Variants in ZNF407 observed in about 807,000 individuals in gnomAD.
ZNF407 encodes zinc finger protein 407.
Under a neutral mutation model 131.2 loss-of-function variants are expected in ZNF407, and 17 were observed. That is an observed-to-expected ratio of 0.13 (90% CI 0.09 to 0.19). The LOEUF is 0.19. Among genes scored for constraint, ZNF407 ranks in the 10% least tolerant of loss-of-function variants. The pLI, the probability that ZNF407 is intolerant of heterozygous loss-of-function variation, is 1.00. For synonymous variants in ZNF407, 1,156 were observed against 1,062.0 expected, an observed-to-expected ratio of 1.09 and a Z score of -1.72; for missense variants, 2,681 against 2,830.6, an observed-to-expected ratio of 0.95 and a Z score of 1.20.
intron 4 of ZNF407, among the ~76,000 whole-genome samples, chr18:74,816,610 G>A (rs569246792): frequency 7.9e-5 from 12 of 152,030 alleles, no homozygotes; most frequent in African/African-American, 1.2e-4. Flanking sequence ...AGAATTTGGC[G>A]TTTTATTTGT....
chr18:74,940,591 G>A (rs1220979611), intron 8 of ZNF407, among the ~76,000 whole-genome samples: 2 of 152,172 alleles, frequency 1.3e-5, no homozygotes, highest in Non-Finnish European at 2.9e-5. Context: ...GAAGGTTGTA[G>A]CAGAGAAGCG....
intron 8 of ZNF407, among the ~76,000 whole-genome samples, chr18:74,921,275 G>A (rs1215919842): frequency 5.9e-5 from 9 of 152,300 alleles, no homozygotes; most frequent in Admixed American, 3.9e-4. Context: ...GAGGGGCTCT[G>A]GAAGGTGTCA....
At chr18:74,692,281 C>T (rs934800936) in intron 3 of ZNF407, among the ~76,000 whole-genome samples, 3 of 152,064 alleles carry the variant, frequency 2.0e-5, no homozygotes, top group Non-Finnish European at 2.9e-5. Flanking sequence ...CCTTCAGCGT[C>T]CTGACTGTAG....
At chr18:74,938,638 G>T (rs1972064995) in intron 8 of ZNF407, among the ~76,000 whole-genome samples, 1 of 152,008 alleles carries the variant, frequency 6.6e-6, no homozygotes, top group Admixed American at 6.6e-5. Context: ...TAATATTTAG[G>T]TTTTATTGGA....
rs184730170 is a variant in ZNF407 at position 74,940,843 on chromosome 18, C to T, written c.5428+20151C>T. On this transcript the variant is annotated intron_variant, in intron 8 of 8. Coordinates refer to ENST00000299687, the MANE Select transcript of ZNF407 (RefSeq NM_017757.3). ...CCTGAGCCAACCCCAGGTCACGCTA[C>T]GGAACCCTGTAGGTGGGCAGGGTGT... Among the ~76,000 whole-genome samples, 146 of 152,288 alleles carry T rather than the reference C, an allele frequency of 9.6e-4. 1 individual carries two copies. The highest frequency in any genetic ancestry group is 2.2e-4 in the Non-Finnish European group (15 of 68,012).
intron 4 of ZNF407, among the ~76,000 whole-genome samples, chr18:74,841,047 A>G (rs2145131449): frequency 6.6e-6 from 1 of 152,110 alleles, no homozygotes; most frequent in Admixed American, 6.5e-5. Flanking sequence ...CCCACCTTTC[A>G]CCTGCTGTCT....
intron 3 of ZNF407, among the ~76,000 whole-genome samples, chr18:74,746,648 A>T (rs1286795497): frequency 2.6e-5 from 4 of 151,992 alleles, no homozygotes; most frequent in Non-Finnish European, 5.9e-5. Flanking sequence ...CAGTATCCCC[A>T]TCTTCCATCT....
At chr18:74,677,840 G>A (rs144505571) in intron 3 of ZNF407, among the ~76,000 whole-genome samples, 2,331 of 151,698 alleles carry the variant, frequency 0.015, 15 homozygotes, top group Non-Finnish European at 0.022. Flanking sequence ...TTATTTATTC[G>A]AGACGGAGTT....
intron 3 of ZNF407, among the ~76,000 whole-genome samples, chr18:74,757,962 T>TAAA (rs1192317918): frequency 6.6e-6 from 1 of 152,186 alleles, no homozygotes; most frequent in Non-Finnish European, 1.5e-5. Flanking sequence ...GGCTTTCTTT[T>TAAA]GGTTACTGAT....
rs540350900 is a variant in ZNF407 at position 75,041,676 on chromosome 18, G to A, written c.5429-21474G>A. 2.6e-5 allele frequency among the ~76,000 whole-genome samples: 4 copies of A among 152,000 alleles called. No individual in the cohort carries two copies. In the South Asian group the frequency reaches 8.3e-4, roughly 32 times the overall value. On this transcript the variant is annotated intron_variant, in intron 8 of 8. Transcript: ENST00000299687. The stretch of plus-strand genomic sequence containing the variant: ...CACACAAACTGAGCCAAAAACAAAT[G>A]TGCAGCTCTAGTGTAACTGAAGGAT...
intron 8 of ZNF407, among the ~76,000 whole-genome samples, chr18:75,027,916 C>T (rs1973190294): frequency 6.6e-6 from 1 of 152,216 alleles, no homozygotes; most frequent in South Asian, 2.1e-4. Context: ...TTCCACACCT[C>T]CTTCCTGTAG....
intron 6 of ZNF407, among the ~76,000 whole-genome samples, chr18:74,888,700 A>G (rs1411820822): frequency 2.0e-5 from 3 of 152,190 alleles, no homozygotes; most frequent in Non-Finnish European, 2.9e-5. Context: ...CCTTGTTTTC[A>G]GTGCCTATCA....
At chr18:75,054,274 G>A (rs1159883925) in intron 8 of ZNF407, among the ~76,000 whole-genome samples, 5 of 152,196 alleles carry the variant, frequency 3.3e-5, no homozygotes, top group South Asian at 2.1e-4. Context: ...CCCAGCCGTC[G>A]GTTCTGTTTA....
rs545069352 is a variant in ZNF407, at chr18:74,792,406, T to G, written c.4877+10904T>G. Among the ~76,000 whole-genome samples the G allele has an allele frequency of 4.6e-5, 7 of 151,450 alleles. No homozygotes were observed. The Admixed American group carries it at 4.6e-4, about 10-fold the overall frequency. The stretch of plus-strand genomic sequence containing the variant: ...CATTGTCACTGTGCATTATAGTGTT[T>G]AGAATGCCTTTTCTCTTTTCTTATT... On this transcript the variant is annotated intron_variant, in intron 4 of 8. Transcript: ENST00000299687.
At chr18:75,022,711 G>T (rs890606168) in intron 8 of ZNF407, among the ~76,000 whole-genome samples, 3 of 152,150 alleles carry the variant, frequency 2.0e-5, no homozygotes, top group Non-Finnish European at 4.4e-5. Flanking sequence ...GCTGTAGAGA[G>T]GAACACTTAC....
intron 8 of ZNF407, among the ~76,000 whole-genome samples, chr18:74,997,698 A>C (rs1972795377): frequency 6.6e-6 from 1 of 152,012 alleles, no homozygotes; most frequent in Non-Finnish European, 1.5e-5. Context: ...AACTGTGGCC[A>C]TTTTCTTCTC....
chr18:75,017,561 C>T (rs1388283484), intron 8 of ZNF407, among the ~76,000 whole-genome samples: 6 of 152,106 alleles, frequency 3.9e-5, no homozygotes, highest in Admixed American at 3.3e-4. Context: ...AGGTGATTAA[C>T]GGTGACTGAT....
chr18:74,635,884 A>G lies in ZNF407; in HGVS notation c.4687+178A>G, dbSNP rs563645158. On this transcript the variant is annotated intron_variant, in intron 2 of 8. Coordinates refer to ENST00000299687, the MANE Select transcript of ZNF407 (RefSeq NM_017757.3). This position sits in a 1 kb window ranked among gnomAD's most constrained non-coding sequence, Gnocchi z 4.7. ...GTTGACACTTAACATTTTTAAGGGT[A>G]ATTAAGCCCTAGTGATTTCAAAGGC... 2.6e-5 allele frequency among the ~76,000 whole-genome samples: 4 copies of G among 152,242 alleles called. No homozygotes were observed. The East Asian group carries it at 5.8e-4, about 22-fold the overall frequency.
chr18:74,858,019 TCCTTCCCTC>T (rs1291051203), intron 4 of ZNF407, among the ~76,000 whole-genome samples: 1 of 144,694 alleles, frequency 6.9e-6, no homozygotes, highest in Non-Finnish European at 1.5e-5. Flanking sequence ...TTCCTTCCCT[TCCTTCCCTC>T]CCACCCTCTC....
Sources: allele counts gnomAD v4.1 joint callset (sites outside exome capture counted in the v4.1 genomes callset), GRCh38; gene constraint gnomAD v4.1.1; non-coding constraint Gnocchi (gnomAD v3.1); transcripts MANE v1.5; gene names NCBI Gene and HGNC (gene_info 2026-07-23, HGNC 2026-07-21).